Variants in SMO observed in about 807,000 individuals in gnomAD.
SMO encodes smoothened, frizzled class receptor.
SMO carries 40 observed loss-of-function variants against 81.6 expected under a neutral mutation model. The ratio of observed to expected loss-of-function variants is 0.49; its 90% CI spans 0.38 to 0.64. SMO has a LOEUF of 0.64. SMO is among the 30% of genes least tolerant of loss of function. The pLI, the probability that SMO is intolerant of heterozygous loss-of-function variation, is 0.00. For missense variants in SMO, 916 were observed against 1,061.1 expected, an observed-to-expected ratio of 0.86 and a Z score of 1.90; for synonymous variants, 434 against 432.1, an observed-to-expected ratio of 1.00 and a Z score of -0.05.
rs1368189230 is a variant in SMO at position 129,210,095 on chromosome 7, T to A, written c.1467-268T>A. On this transcript the variant is annotated intron_variant, in intron 8 of 11. Coordinates refer to ENST00000249373, the MANE Select transcript of SMO (RefSeq NM_005631.5). The surrounding 1 kb of genome is among the most constrained non-coding windows in gnomAD (Gnocchi z 4.7). ...AGTTGATTCTAATGAGCACCCAGGG[T>A]TGAGATCAGTGCTGTGGAGCTTAGC... 2 of 341,442 alleles carry A rather than the reference T, an allele frequency of 5.9e-6. No homozygotes were observed. The highest frequency in any genetic ancestry group is 5.1e-5 in the East Asian group (1 of 19,666). The allele number at this position is 341,442 out of a possible 1,614,324, so 21.2% of individuals were successfully genotyped here. A position where few individuals can be genotyped will look rare whatever the true frequency, so the allele number is the denominator to read the frequency against.
chr7:129,188,804 G>T lies in SMO; in HGVS notation c.-348G>T. On this transcript the variant is annotated 5_prime_UTR_variant, in exon 1 of 12. Coordinates refer to ENST00000249373, the MANE Select transcript of SMO (RefSeq NM_005631.5). This position sits in a 1 kb window ranked among gnomAD's most constrained non-coding sequence, Gnocchi z 4.9. The stretch of plus-strand genomic sequence containing the variant: ...GGCCCGCGTCTGGCCTCCCTCGCGG[G>T]GCGGGGAGGTGGCTTTAATGGTGGG... 4.6e-6 allele frequency: 1 copy of T among 219,378 alleles called. No individual in the cohort carries two copies. Among genetic ancestry groups the T allele is most frequent in the Non-Finnish European group, 9.1e-6 (1 of 109,656 alleles). The allele number at this position is 219,378 out of a possible 1,614,324, so 13.6% of individuals were successfully genotyped here.
rs745982562 is a variant in SMO, at chr7:129,211,808, GCA to G, written c.1936+41_1936+42del. The stretch of plus-strand genomic sequence containing the variant: ...AAGCTTCTGGAGGAAGGTGGGGGGA[GCA>G]CAGAGGCTGGGGGCTTCTGGGACTG... On this transcript the variant is annotated intron_variant, in intron 11 of 11. Coordinates refer to ENST00000249373, the MANE Select transcript of SMO (RefSeq NM_005631.5). The surrounding 1 kb of genome is among the most constrained non-coding windows in gnomAD (Gnocchi z 4.6). 16 of 1,612,884 alleles carry G rather than the reference GCA, an allele frequency of 9.9e-6. No individual in the cohort carries two copies. The highest frequency in any genetic ancestry group is 1.1e-5 in the Non-Finnish European group (13 of 1,179,136).
chr7:129,210,536 G>A lies in SMO; in HGVS notation c.1640G>A (p.Arg547His), dbSNP rs771078092. The change falls in exon 9 of 12, where the codon CGT becomes CAT. Residue 547 changes from arginine (R) to histidine (H), a missense_variant. This residue lies in a region of SMO where 436 missense variants were observed against 570.9 expected (regional missense o/e 0.76). Coordinates refer to ENST00000249373, the MANE Select transcript of SMO (RefSeq NM_005631.5). This position sits in a 1 kb window ranked among gnomAD's most constrained non-coding sequence, Gnocchi z 4.7. ...AAGGCCACGCTGCTCATCTGGAGGC[G>A]TACCTGGTGCAGGTGGGCATGGCAG... Reference protein sequence around the residue: ...WTKATLLIWRRTWCRLTGQSD... With the variant: ...WTKATLLIWRHTWCRLTGQSD... The A allele has an allele frequency of 2.3e-5, 37 of 1,613,560 alleles. No individual in the cohort carries two copies. Among genetic ancestry groups the A allele is most frequent in the Middle Eastern group, 1.7e-4 (1 of 6,060 alleles).
intron 1 of SMO, among the ~76,000 whole-genome samples, chr7:129,193,847 G>A (rs1465636321): frequency 8.3e-6 from 1 of 119,980 alleles, no homozygotes; most frequent in Non-Finnish European, 1.6e-5. Flanking sequence ...GCTCACACCT[G>A]TAATCTTAGC....
rs2150638178 is a variant in SMO at position 129,189,341 on chromosome 7, T to C, written c.190T>C (p.Cys64Arg). Residue 64 changes from cysteine to arginine, a missense_variant, in exon 1 of 12, where the codon TGC becomes CGC. Cys to Arg is a radical substitution (Grantham distance 180). Around this residue, in one of 4 missense-constraint regions of SMO, gnomAD observed 146 missense variants for 149.9 expected, o/e 0.97. Transcript: ENST00000249373. The surrounding 1 kb of genome is among the most constrained non-coding windows in gnomAD (Gnocchi z 4.7). The part of the protein sequence containing the change: ...VTGPPPPLSH[C>R]GRAAPCEPLR... ...TGGCCCTCCGCCGCCGCTGAGCCACTGCGGCCGGGCTGCCCCCTGCGAGCC... is the reference window on the plus strand; with the variant it reads ...TGGCCCTCCGCCGCCGCTGAGCCACCGCGGCCGGGCTGCCCCCTGCGAGCC... 4 of 1,517,036 alleles carry C rather than the reference T, an allele frequency of 2.6e-6. No homozygotes were observed. Among genetic ancestry groups the C allele is most frequent in the Non-Finnish European group, 3.5e-6 (4 of 1,139,172 alleles). The allele number at this position is 1,517,036 out of a possible 1,614,324, so 94.0% of individuals were successfully genotyped here.
At position 129,213,115 on chromosome 7, in the gene SMO, C is replaced by T. The variant is rs1793907581; in HGVS notation, c.*664C>T. ...AGTTTCAGCGGTGCCAACCTCTTTG[C>T]GTTTCCTTTTTGTTGATGAGGACCC... is the stretch of plus-strand genomic sequence containing the variant. On this transcript the variant is annotated 3_prime_UTR_variant, in exon 12 of 12. Coordinates refer to ENST00000249373, the MANE Select transcript of SMO (RefSeq NM_005631.5). The T allele has an allele frequency of 4.2e-6, 1 of 235,418 alleles. No homozygotes were observed. Among genetic ancestry groups the T allele is most frequent in the Non-Finnish European group, 8.4e-6 (1 of 119,682 alleles). 14.6% of individuals were successfully genotyped at this position (235,418 alleles called of 1,614,324 possible). A position where few individuals can be genotyped will look rare whatever the true frequency, so the allele number is the denominator to read the frequency against.
At position 129,210,518 on chromosome 7, in the gene SMO, C is replaced by T. The variant is rs1162853719; in HGVS notation, c.1622C>T (p.Thr541Met). The T allele has an allele frequency of 2.5e-6, 4 of 1,614,018 alleles. No homozygotes were observed. The highest frequency in any genetic ancestry group is 1.1e-5 in the South Asian group (1 of 91,084). The part of the protein sequence containing the change: ...AMSTWVWTKA[T>M]LLIWRRTWCR... The stretch of plus-strand genomic sequence containing the variant: ...AGCACCTGGGTCTGGACCAAGGCCA[C>T]GCTGCTCATCTGGAGGCGTACCTGG... The change falls in exon 9 of 12, where the codon ACG (threonine) becomes ATG (methionine). Residue 541 changes from threonine (T) to methionine (M), a missense_variant. By Grantham distance (81) the Thr-to-Met change is moderately conservative. Transcript: ENST00000249373. The surrounding 1 kb of genome is among the most constrained non-coding windows in gnomAD (Gnocchi z 4.7).
intron 1 of SMO, among the ~76,000 whole-genome samples, chr7:129,196,934 G>T (rs182302155): frequency 6.7e-6 from 1 of 148,734 alleles, no homozygotes; most frequent in African/African-American, 2.5e-5. Flanking sequence ...GGAGAATGGC[G>T]TGAACCTGGG....
At chr7:129,209,677 C>T (rs186080750) in intron 8 of SMO, 1 of 395,256 alleles carries the variant, frequency 2.5e-6, no homozygotes, top group Non-Finnish European at 4.7e-6. Context: ...GCTTCGTCTT[C>T]TCTGACTGAC....
At chr7:129,201,092 G>A (rs551154108) in intron 1 of SMO, among the ~76,000 whole-genome samples, 1 of 152,138 alleles carries the variant, frequency 6.6e-6, no homozygotes, top group African/African-American at 2.4e-5. Flanking sequence ...TGTCGCCTAG[G>A]CTGGAGTGCA....
chr7:129,202,114 T>C (rs953797594), intron 1 of SMO, among the ~76,000 whole-genome samples: 2 of 152,160 alleles, frequency 1.3e-5, no homozygotes, highest in African/African-American at 4.8e-5. Flanking sequence ...CAAATAATCA[T>C]AAGAGTTAAC....
Position 129,210,664 on chromosome 7 carries a change from C to A in SMO, c.1652+116C>A. 1.1e-6 allele frequency: 1 copy of A among 891,942 alleles called. No homozygotes were observed. Among genetic ancestry groups the A allele is most frequent in the Non-Finnish European group, 1.7e-6 (1 of 581,204 alleles). 55.3% of individuals were successfully genotyped at this position (891,942 alleles called of 1,614,324 possible). On this transcript the variant is annotated intron_variant, in intron 9 of 11. Coordinates refer to ENST00000249373, the MANE Select transcript of SMO (RefSeq NM_005631.5). This position sits in a 1 kb window ranked among gnomAD's most constrained non-coding sequence, Gnocchi z 4.7. ...CACAGCCTTGGTCAGTGGTTCACCGCTGCCCCCTGGTGGCACCTTCTGTCC... is the reference window on the plus strand; with the variant it reads ...CACAGCCTTGGTCAGTGGTTCACCGATGCCCCCTGGTGGCACCTTCTGTCC...
At position 129,212,489 on chromosome 7, in the gene SMO, C is replaced by T. The variant is rs2150657526; in HGVS notation, c.*38C>T. The T allele has an allele frequency of 5.1e-6, 8 of 1,570,952 alleles. No homozygotes were observed. Among genetic ancestry groups the T allele is most frequent in the Non-Finnish European group, 7.0e-6 (8 of 1,149,888 alleles). On this transcript the variant is annotated 3_prime_UTR_variant, in exon 12 of 12. Coordinates refer to ENST00000249373, the MANE Select transcript of SMO (RefSeq NM_005631.5). This position sits in a 1 kb window ranked among gnomAD's most constrained non-coding sequence, Gnocchi z 5.0. ...GGACCTGGGACAGGAAAGAGAGGAA[C>T]CAATACCTTCAAGGCTCTTCTTCCT...
chr7:129,195,894 A>G (rs570288515), intron 1 of SMO, among the ~76,000 whole-genome samples: 3,486 of 151,984 alleles, frequency 0.023, 50 homozygotes, highest in East Asian at 0.032. Context: ...GAGGTCAGGA[A>G]GTCGAGACCA....
intron 1 of SMO, among the ~76,000 whole-genome samples, chr7:129,201,685 A>G (rs1793673043): frequency 6.6e-6 from 1 of 151,102 alleles, no homozygotes; most frequent in African/African-American, 2.4e-5. Context: ...TTTGTTTTTT[A>G]TTTTTTTGTT....
rs1304079949 is a variant in SMO at position 129,206,160 on chromosome 7, ACT to A, written c.934_935del (p.Leu312ValfsTer127). 3 of 1,603,022 alleles carry A rather than the reference ACT, an allele frequency of 1.9e-6. No individual in the cohort carries two copies. The highest frequency in any genetic ancestry group is 1.3e-5 in the African/African-American group (1 of 74,722). On this transcript the variant is annotated frameshift_variant, in exon 5 of 12. Coordinates refer to ENST00000249373, the MANE Select transcript of SMO (RefSeq NM_005631.5). LOFTEE classifies it high-confidence loss of function. This position sits in a 1 kb window ranked among gnomAD's most constrained non-coding sequence, Gnocchi z 4.4. ...MRLGEPTSNE[T>X]LSCVIIFVIV... ...CACCTCTCTGCACAGCTCCAATGAG[ACT>A]CTGTCCTGCGTCATCATCTTTGTCA...
At chr7:129,194,217 A>T (rs1793533372) in intron 1 of SMO, among the ~76,000 whole-genome samples, 1 of 152,026 alleles carries the variant, frequency 6.6e-6, no homozygotes, top group African/African-American at 2.4e-5. Context: ...TTAAAAAAAA[A>T]TTATCTTTAA....
At chr7:129,209,015 A>C in intron 7 of SMO, 164 bp downstream of exon 7, 1 of 629,518 alleles carries the variant, frequency 1.6e-6, no homozygotes, top group South Asian at 1.8e-5. Context: ...GCAGCTCAAA[A>C]GAAGGGGGTC....
Position 129,212,127 on chromosome 7 carries a change from G to A in SMO, c.2040G>A (p.Lys680=). 6.4e-7 allele frequency: 1 copy of A among 1,565,878 alleles called. No homozygotes were observed. The highest frequency in any genetic ancestry group is 8.7e-7 in the Non-Finnish European group (1 of 1,155,932). ...AGAAGAAGAGGAGGAAGAGGAAGAA[G>A]GAGGTGTGCCCGCTGGCGCCGCCCC... ...GRKKKRRKRK[K]EVCPLAPPPE... Residue 680 remains lysine (K), a synonymous_variant, in exon 12 of 12, where the codon AAG becomes AAA. Coordinates refer to ENST00000249373, the MANE Select transcript of SMO (RefSeq NM_005631.5). This position sits in a 1 kb window ranked among gnomAD's most constrained non-coding sequence, Gnocchi z 5.0.
Sources: gnomAD v4.1 joint callset for allele counts (sites outside exome capture counted in the v4.1 genomes callset) on GRCh38, gnomAD v4.1.1 for gene constraint, gnomAD v4.1.1 regional missense constraint, Gnocchi (gnomAD v3.1) non-coding constraint, MANE v1.5 for transcripts, NCBI Gene and HGNC (gene_info 2026-07-23, HGNC 2026-07-21) for gene names.